Variants in FHIP2B observed in about 807,000 individuals in gnomAD.
The protein encoded by FHIP2B is FHF complex subunit HOOK interacting protein 2B, also known as FHF complex subunit HOOK-interacting protein 2B.
A neutral mutation model predicts 84.0 loss-of-function variants in FHIP2B; 72 were observed. The observed-to-expected ratio is 0.86, with a 90% CI of 0.71 to 1.04. The LOEUF is 1.04. FHIP2B is among the 50% of genes least tolerant of loss of function. The pLI is 0.00. For missense variants in FHIP2B, 972 were observed against 968.9 expected, an observed-to-expected ratio of 1.00 and a Z score of -0.04; for synonymous variants, 497 against 418.7, an observed-to-expected ratio of 1.19 and a Z score of -2.28.
chr8:22,096,506 C>T lies in FHIP2B; in HGVS notation c.294C>T (p.Ala98=), dbSNP rs117838157. The change falls in exon 3 of 17, where the codon GCC becomes GCT. Residue 98 remains alanine (A), a synonymous_variant. Transcript: ENST00000289921. ...AGACTCTCTGCACGCTGGGCAAGGC[C>T]GAGGTGGGAGGCCCTCTGCGCGCTG... The part of the protein sequence containing the change: ...ILETLCTLGK[A]EYPPGMRQQV... 0.014 allele frequency: 20,816 copies of T among 1,530,272 alleles called. 170 individuals are homozygous for T. Among genetic ancestry groups the T allele is most frequent in the African/African-American group, 0.029 (2,110 of 72,728 alleles). 94.8% of individuals were successfully genotyped at this position (1,530,272 alleles called of 1,614,324 possible).
chr8:22,091,321 A>G (rs2131680898), intron 1 of FHIP2B, among the ~76,000 whole-genome samples: 1 of 145,102 alleles, frequency 6.9e-6, no homozygotes, highest in Middle Eastern at 3.8e-3. Flanking sequence ...GGGCGATCTC[A>G]GCTGACTGCA....
chr8:22,101,982 A>G, intron 14 of FHIP2B, 131 bp downstream of exon 14: 1 of 1,499,406 alleles, frequency 6.7e-7, no homozygotes, highest in Non-Finnish European at 8.9e-7. Context: ...CCAGGTGGGA[A>G]GCCCCGTCTC....
intron 3 of FHIP2B, among the ~76,000 whole-genome samples, 170 bp from the exon 4 acceptor site, chr8:22,097,346 C>T (rs1287986435): frequency 6.8e-6 from 1 of 146,054 alleles, no homozygotes; most frequent in Non-Finnish European, 1.5e-5. Context: ...ATGCGGCAGG[C>T]AGGGGACACG....
chr8:22,091,392 C>T (rs945972445), intron 1 of FHIP2B, among the ~76,000 whole-genome samples: 8 of 152,088 alleles, frequency 5.3e-5, no homozygotes, highest in East Asian at 1.9e-4. Context: ...TACAGGGCTG[C>T]GCCACCACGC....
chr8:22,095,571 G>C lies in FHIP2B; in HGVS notation c.125-766G>C, dbSNP rs1465828892. 4 of 152,280 alleles carry C rather than the reference G, an allele frequency of 2.6e-5. No individual in the cohort carries two copies. In the South Asian group the frequency reaches 8.3e-4, roughly 32 times the overall value. 9.4% of individuals were successfully genotyped at this position (152,280 alleles called of 1,614,324 possible). The stretch of plus-strand genomic sequence containing the variant: ...GCTCAGTAAGATCAGATCAGAACTG[G>C]CTGAAATTCACCTGGGGCTTCCCCC... On this transcript the variant is annotated intron_variant, in intron 2 of 16. Coordinates refer to ENST00000289921, the MANE Select transcript of FHIP2B (RefSeq NM_022749.7).
intron 13 of FHIP2B, 85 bp from the exon 14 acceptor site, chr8:22,101,623 C>T: frequency 6.4e-7 from 1 of 1,556,544 alleles, no homozygotes; most frequent in African/African-American, 1.4e-5. Context: ...TGCCCAAGGA[C>T]CCCAGCCCAT....
chr8:22,094,419 TTG>T lies in FHIP2B; in HGVS notation c.46-15_46-14del, dbSNP rs761515276. The T allele has an allele frequency of 9.5e-6, 15 of 1,584,284 alleles. No homozygotes were observed. In the African/African-American group the frequency reaches 1.8e-4, roughly 19 times the overall value. ...CTGGCCTTTGTGGCCCCCACTGAGG[TTG>T]TGTGTCTGCCCTCCGCAGCGCGAGC... On this transcript the variant is annotated intron_variant, in intron 1 of 16. Transcript: ENST00000289921.
Position 22,102,316 on chromosome 8 carries a change from G to A in FHIP2B, c.1992+1G>A. ...GAGCCTATTCTCCGTGTTGGTGAGG[G>A]TGAGGACGCCTCGGCCCAAGGGAGT... On this transcript the variant is annotated splice_donor_variant, in intron 15 of 16. Transcript: ENST00000289921. LOFTEE classifies it high-confidence loss of function. 1 of 1,612,244 alleles carries A rather than the reference G, an allele frequency of 6.2e-7. No homozygotes were observed. The highest frequency in any genetic ancestry group is 8.5e-7 in the Non-Finnish European group (1 of 1,179,768).
intron 14 of FHIP2B, 110 bp downstream of exon 14, chr8:22,101,961 CT>C: frequency 6.6e-6 from 10 of 1,508,714 alleles, no homozygotes; most frequent in East Asian, 2.4e-5. Flanking sequence ...GGTGCCACCC[CT>C]GTCCTTTCCC....
chr8:22,099,931 C>G (rs766473177), intron 10 of FHIP2B, 38 bp downstream of exon 10: 6 of 1,538,002 alleles, frequency 3.9e-6, no homozygotes, highest in Non-Finnish European at 5.2e-6. Context: ...CCTCTCACCA[C>G]CCCTGCCAGA....
chr8:22,096,732 A>G, intron 3 of FHIP2B: 2 of 561,276 alleles, frequency 3.6e-6, no homozygotes, highest in Admixed American at 3.9e-5. Flanking sequence ...TGAAAGTGGC[A>G]GTTCGGGCGA....
In FHIP2B at chr8:22,097,589, T is replaced by C; in HGVS notation, c.371T>C (p.Leu124Pro). The change falls in exon 4 of 17, where the codon CTG becomes CCG. Residue 124 changes from leucine to proline, a missense_variant. Leu to Pro is a moderately conservative substitution (Grantham distance 98, BLOSUM62 -3). Coordinates refer to ENST00000289921, the MANE Select transcript of FHIP2B (RefSeq NM_022749.7). ...CTGGCGCAGGTGCAGCACCCCCTGC[T>C]GCATTACCTCAGCGTCCACAGGCCT... ...KVLAQVQHPL[L>P]HYLSVHRPVQ... The C allele has an allele frequency of 6.2e-7, 1 of 1,609,372 alleles. No individual in the cohort carries two copies. Among genetic ancestry groups the C allele is most frequent in the Non-Finnish European group, 8.5e-7 (1 of 1,178,210 alleles).
rs2131716568 is a variant in FHIP2B, at chr8:22,099,728, C to T, written c.1176C>T (p.Ser392=). 4 of 1,596,714 alleles carry T rather than the reference C, an allele frequency of 2.5e-6. No homozygotes were observed. Among genetic ancestry groups the T allele is most frequent in the Non-Finnish European group, 3.4e-6 (4 of 1,175,182 alleles). The change falls in exon 10 of 17, where the codon TCC becomes TCT. Residue 392 remains serine, a synonymous_variant. Coordinates refer to ENST00000289921, the MANE Select transcript of FHIP2B (RefSeq NM_022749.7). The stretch of plus-strand genomic sequence containing the variant: ...GGTCCGAGCAGAGCATCTTGACCTC[C>T]ACCGCCCTCCTCACAGCCATGCTGC... The part of the protein sequence containing the change: ...LHVSEQSILT[S]TALLTAMLRQ...
intron 5 of FHIP2B, 72 bp downstream of exon 5, chr8:22,097,911 G>A: frequency 6.3e-7 from 1 of 1,583,330 alleles, no homozygotes; most frequent in Admixed American, 1.7e-5. Flanking sequence ...GCCCTCCTGA[G>A]GAGGCAGAAG....
chr8:22,100,823 A>G, intron 11 of FHIP2B, 21 bp from the exon 12 acceptor site: 2 of 1,613,744 alleles, frequency 1.2e-6, no homozygotes, highest in Non-Finnish European at 1.7e-6. Context: ...CTGGTGCCGT[A>G]CTGCTCTGCC....
chr8:22,089,857 A>G (rs1401307705), intron 1 of FHIP2B: 4 of 1,274,696 alleles, frequency 3.1e-6, no homozygotes, highest in Non-Finnish European at 4.1e-6. Flanking sequence ...CACGAAGGGT[A>G]AAGACCCGGG....
chr8:22,097,936 C>T (rs1477045026), intron 5 of FHIP2B, 97 bp downstream of exon 5: 6 of 1,557,550 alleles, frequency 3.9e-6, no homozygotes, highest in Non-Finnish European at 5.2e-6. Flanking sequence ...GATCAGGTAC[C>T]CGGGAGGCAC....
In FHIP2B at chr8:22,097,473, G is replaced by C. The variant is rs376730361; in HGVS notation, c.298-43G>C. On this transcript the variant is annotated intron_variant, in intron 3 of 16. Coordinates refer to ENST00000289921, the MANE Select transcript of FHIP2B (RefSeq NM_022749.7). The stretch of plus-strand genomic sequence containing the variant: ...TCAGTACCCGCCAGGCATGCGGCAG[G>C]CAGGGGACACGGCTCTGACAGGCGC... 4 of 1,527,436 alleles carry C rather than the reference G, an allele frequency of 2.6e-6. No homozygotes were observed. In the South Asian group the frequency reaches 4.8e-5, roughly 18 times the overall value. 94.6% of individuals were successfully genotyped at this position (1,527,436 alleles called of 1,614,324 possible). A position where few individuals can be genotyped will look rare whatever the true frequency, so the allele number is the denominator to read the frequency against.
At chr8:22,099,567 C>T in intron 9 of FHIP2B, 137 bp from the exon 10 acceptor site, 1 of 1,156,490 alleles carries the variant, frequency 8.6e-7, no homozygotes, top group Non-Finnish European at 1.2e-6. Context: ...CCCTTCCCTG[C>T]AGGACCTCAG....
Sources: allele counts gnomAD v4.1 joint callset (sites outside exome capture counted in the v4.1 genomes callset), GRCh38; gene constraint gnomAD v4.1.1; transcripts MANE v1.5; gene names NCBI Gene and HGNC (gene_info 2026-07-23, HGNC 2026-07-21).